The following SH3D19 variants were observed in gnomAD, a reference collection of about 807,000 sequenced individuals.
The protein encoded by SH3D19 is SH3 domain-containing protein 19.
A neutral mutation model predicts 112.1 loss-of-function variants in SH3D19; 58 were observed. That is an observed-to-expected ratio of 0.52 (90% CI 0.42 to 0.64). The LOEUF is 0.64. SH3D19 is among the 30% of genes least tolerant of loss of function. The probability of loss-of-function intolerance (pLI) is 0.00; values close to 1 mark genes in which losing one functional copy is unlikely to be tolerated. For missense variants in SH3D19, 1,090 were observed against 1,263.4 expected (o/e 0.86, Z 2.08); for synonymous variants, 391 against 448.5 (o/e 0.87, Z 1.62).
At chr4:151,123,299 A>G (rs1748438446) in intron 19 of SH3D19, among the ~76,000 whole-genome samples, 1 of 152,244 alleles carries the variant, frequency 6.6e-6, no homozygotes, top group Non-Finnish European at 1.5e-5. Flanking sequence ...CCTAACCACT[A>G]GGCTATGTGG....
intron 8 of SH3D19, among the ~76,000 whole-genome samples, chr4:151,163,539 T>C (rs551788775): frequency 2.4e-3 from 362 of 151,798 alleles, no homozygotes; most frequent in Middle Eastern, 0.01. Context: ...GTGGGCTATA[T>C]AATATTGTCA....
At chr4:151,161,640 A>ATATT (rs1327750814) in intron 8 of SH3D19, among the ~76,000 whole-genome samples, 2 of 148,592 alleles carry the variant, frequency 1.3e-5, no homozygotes, top group African/African-American at 4.9e-5. Flanking sequence ...ATATATATAT[A>ATATT]TTTTAATTAT....
At chr4:151,313,194 A>T (rs958565374) in intron 1 of SH3D19, among the ~76,000 whole-genome samples, 3 of 152,004 alleles carry the variant, frequency 2.0e-5, no homozygotes, top group Admixed American at 6.6e-5. Flanking sequence ...ACAAAGTCTG[A>T]GAAGCACTCT....
At chr4:151,206,625 C>T (rs72967512) in intron 2 of SH3D19, among the ~76,000 whole-genome samples, 5,802 of 152,168 alleles carry the variant, frequency 0.038, 323 homozygotes, top group African/African-American at 0.13. Flanking sequence ...ACTTTCATTT[C>T]TAAATTACGG....
intron 1 of SH3D19, among the ~76,000 whole-genome samples, chr4:151,287,341 CAAAAAA>C (rs34944826): frequency 1.2e-5 from 1 of 82,384 alleles, no homozygotes. Flanking sequence ...ACTCTGTCTC[CAAAAAA>C]AAAAAAAAAA....
chr4:151,179,949 C>G (rs1466096801), intron 3 of SH3D19, among the ~76,000 whole-genome samples: 1 of 152,148 alleles, frequency 6.6e-6, no homozygotes, highest in African/African-American at 2.4e-5. Context: ...ACATGATGTT[C>G]AGGGCTCAAT....
Position 151,148,202 on chromosome 4 carries a change from G to A in SH3D19, c.1818-16C>T. 1 of 1,575,944 alleles carries A rather than the reference G, an allele frequency of 6.3e-7. No individual in the cohort carries two copies. The highest frequency in any genetic ancestry group is 8.6e-7 in the Non-Finnish European group (1 of 1,165,188). On this transcript the variant is annotated splice_polypyrimidine_tract_variant and intron_variant, in intron 10 of 19. Transcript: ENST00000604030. ...ATTCACAGGTCTGAAAGTCAATGTA[G>A]TAGCCATGAGTCAGTGTTTTGATCA...
chr4:151,144,402 A>G (rs1753562257), intron 11 of SH3D19: 7 of 894,492 alleles, frequency 7.8e-6, no homozygotes, highest in Non-Finnish European at 1.1e-5. Context: ...TCCAGCAGCT[A>G]AACTCACCTG....
intron 1 of SH3D19, among the ~76,000 whole-genome samples, chr4:151,300,046 AC>A (rs1156333868): frequency 6.6e-6 from 1 of 152,102 alleles, no homozygotes; most frequent in East Asian, 1.9e-4. Context: ...TACTAAAAAT[AC>A]AAAATTAGCC....
chr4:151,250,852 G>A (rs968953209), intron 1 of SH3D19, among the ~76,000 whole-genome samples: 26 of 152,070 alleles, frequency 1.7e-4, no homozygotes, highest in African/African-American at 5.6e-4. Flanking sequence ...GGAAACCTGC[G>A]GCCCAAAAAG....
At chr4:151,179,734 A>G (rs1760531691) in intron 3 of SH3D19, among the ~76,000 whole-genome samples, 1 of 152,238 alleles carries the variant, frequency 6.6e-6, no homozygotes, top group Admixed American at 6.5e-5. Context: ...GACATGAAGT[A>G]ACAATGGGCA....
chr4:151,214,357 A>C (rs1036028206), intron 2 of SH3D19, among the ~76,000 whole-genome samples: 2 of 146,540 alleles, frequency 1.4e-5, no homozygotes, highest in Non-Finnish European at 1.5e-5. Flanking sequence ...CATTGTCATC[A>C]TGGCCCGTTC....
At chr4:151,312,981 T>A (rs1461432994) in intron 1 of SH3D19, among the ~76,000 whole-genome samples, 2 of 149,116 alleles carry the variant, frequency 1.3e-5, no homozygotes, top group Non-Finnish European at 3.0e-5. Flanking sequence ...CCCAGCTACT[T>A]GGGAGGCTGA....
At chr4:151,301,058 A>G (rs1728365570) in intron 1 of SH3D19, among the ~76,000 whole-genome samples, 1 of 152,220 alleles carries the variant, frequency 6.6e-6, no homozygotes, top group African/African-American at 2.4e-5. Context: ...AATGTAAGTG[A>G]TACGGTTTGG....
rs1194521953 is a variant in SH3D19 at position 151,133,057 on chromosome 4, G to T, written c.2666C>A (p.Pro889His). The T allele has an allele frequency of 1.9e-6, 3 of 1,613,956 alleles. No individual in the cohort carries two copies. Among genetic ancestry groups the T allele is most frequent in the Middle Eastern group, 1.6e-4 (1 of 6,062 alleles). The change falls in exon 16 of 20, where the codon CCC becomes CAC. Residue 889 changes from proline (P) to histidine (H), a missense_variant. Transcript: ENST00000604030. ...LNFVEPVEDY[P>H]TSGANVLSTK... The stretch of plus-strand genomic sequence containing the variant: ...ACTTAAAACATTTGCACCAGAGGTG[G>T]GATAATCCTCAACAGGCTCCACAAA...
chr4:151,167,702 G>A (rs892009491), intron 7 of SH3D19, among the ~76,000 whole-genome samples: 2 of 152,194 alleles, frequency 1.3e-5, no homozygotes, highest in African/African-American at 4.8e-5. Flanking sequence ...CCCCATCTGG[G>A]AAGTGAGGAG....
intron 9 of SH3D19, among the ~76,000 whole-genome samples, chr4:151,155,361 C>T (rs1233976123): frequency 6.6e-6 from 1 of 152,178 alleles, no homozygotes; most frequent in Non-Finnish European, 1.5e-5. Flanking sequence ...AATTTTAATT[C>T]ATTCTTCAGG....
intron 19 of SH3D19, among the ~76,000 whole-genome samples, chr4:151,123,063 G>A (rs967178861): frequency 6.6e-6 from 1 of 152,072 alleles, no homozygotes; most frequent in Non-Finnish European, 1.5e-5. Context: ...TGTTGGCCAG[G>A]CTGGTCTCAA....
intron 13 of SH3D19, among the ~76,000 whole-genome samples, chr4:151,138,728 AC>A (rs1448086167): frequency 1.3e-5 from 2 of 149,328 alleles, no homozygotes; most frequent in African/African-American, 5.0e-5. Flanking sequence ...ACACACACAC[AC>A]ACACAAATTA....
Sources: allele counts gnomAD v4.1 joint callset (sites outside exome capture counted in the v4.1 genomes callset), GRCh38; gene constraint gnomAD v4.1.1; transcripts MANE v1.5; gene names NCBI Gene and HGNC (gene_info 2026-07-23, HGNC 2026-07-21).